Variants in ACOT7 observed in about 807,000 individuals in gnomAD.
ACOT7 encodes cytosolic acyl coenzyme A thioester hydrolase.
ACOT7 carries 12 observed loss-of-function variants against 40.2 expected under a neutral mutation model. The observed-to-expected ratio is 0.30, with a 90% CI of 0.19 to 0.48. The LOEUF is 0.48. ACOT7 is among the 20% of genes least tolerant of loss of function. The pLI is 0.99. For synonymous variants in ACOT7, 228 were observed against 219.5 expected (o/e 1.04, Z -0.34); for missense variants, 395 against 530.8 (o/e 0.74, Z 2.51).
In ACOT7 at chr1:6,306,143, A is replaced by C. The variant is rs1447575768; in HGVS notation, c.713-11163T>G. ...CAGTGAGCCAAGATGGCAGCAGCACAGTCCAGCTTCGGCTCGGCATCAGAG... is the reference window on the plus strand; with the variant it reads ...CAGTGAGCCAAGATGGCAGCAGCACCGTCCAGCTTCGGCTCGGCATCAGAG... On this transcript the variant is annotated intron_variant, in intron 6 of 8. Transcript: ENST00000361521. This position sits in a 1 kb window ranked among gnomAD's most constrained non-coding sequence, Gnocchi z 4.3. 3.0e-5 allele frequency: 21 copies of C among 692,034 alleles called. No individual in the cohort carries two copies. Among genetic ancestry groups the C allele is most frequent in the African/African-American group, 4.1e-5 (2 of 48,520 alleles). 42.9% of individuals were successfully genotyped at this position (692,034 alleles called of 1,614,324 possible). A position where few individuals can be genotyped will look rare whatever the true frequency, so the allele number is the denominator to read the frequency against.
At chr1:6,367,683 A>G (rs1346303567) in intron 1 of ACOT7, among the ~76,000 whole-genome samples, 1 of 152,324 alleles carries the variant, frequency 6.6e-6, no homozygotes, top group African/African-American at 2.4e-5. Context: ...AGGGCCCCAA[A>G]GAGGGAGTCA....
chr1:6,318,803 C>T (rs1018385326), intron 5 of ACOT7, among the ~76,000 whole-genome samples: 3 of 151,648 alleles, frequency 2.0e-5, no homozygotes, highest in Non-Finnish European at 2.9e-5. Flanking sequence ...TGGGCCATGA[C>T]GAGACTCTCT....
rs558365043 is a variant in ACOT7 at position 6,289,041 on chromosome 1, G to A, written c.829+5823C>T. Among the ~76,000 whole-genome samples the A allele has an allele frequency of 6.6e-5, 10 of 152,290 alleles. No homozygotes were observed. Among genetic ancestry groups the A allele is most frequent in the African/African-American group, 2.4e-4 (10 of 41,558 alleles). The stretch of plus-strand genomic sequence containing the variant: ...CAAAGCACTTCCTGCCTTAAATCTG[G>A]AGAAGCCACCCCACAGGTCTGGCGT... On this transcript the variant is annotated intron_variant, in intron 7 of 8. Coordinates refer to ENST00000361521, the MANE Select transcript of ACOT7 (RefSeq NM_007274.4). This position sits in a 1 kb window ranked among gnomAD's most constrained non-coding sequence, Gnocchi z 4.6.
At chr1:6,326,271 G>A (rs1247226368) in intron 5 of ACOT7, among the ~76,000 whole-genome samples, 2 of 152,200 alleles carry the variant, frequency 1.3e-5, no homozygotes, top group Admixed American at 6.5e-5. Flanking sequence ...TGCCCCCGAG[G>A]GCTCACCCTT....
intron 8 of ACOT7, among the ~76,000 whole-genome samples, chr1:6,268,778 A>G (rs1638930098): frequency 6.6e-6 from 1 of 152,228 alleles, no homozygotes; most frequent in Admixed American, 6.5e-5. Context: ...GCAGCAGTGG[A>G]GCGGAGCCCT....
intron 1 of ACOT7, among the ~76,000 whole-genome samples, chr1:6,377,809 G>A (rs533098717): frequency 1.3e-5 from 2 of 152,278 alleles, no homozygotes; most frequent in Admixed American, 6.5e-5. Flanking sequence ...GGTGGCTCAC[G>A]CCTGTAATCC....
chr1:6,318,495 C>T lies in ACOT7; in HGVS notation c.709G>A (p.Gly237Arg). The change falls in exon 6 of 9, where the codon GGA (glycine) becomes AGA (arginine). Residue 237 changes from glycine (G) to arginine (R), a missense_variant. Coordinates refer to ENST00000361521, the MANE Select transcript of ACOT7 (RefSeq NM_007274.4). ...SDCTLHGFVH[G>R]GVTMKLMDEV... ...GGCCAGGGCGCTTCCTTCTTACCTC[C>T]GTGCACAAAGCCGTGCAGGGTGCAG... The T allele has an allele frequency of 3.1e-6, 5 of 1,613,864 alleles. No homozygotes were observed. The highest frequency in any genetic ancestry group is 4.2e-6 in the Non-Finnish European group (5 of 1,179,906).
At chr1:6,345,826 C>G (rs1214363256) in intron 2 of ACOT7, among the ~76,000 whole-genome samples, 2 of 152,170 alleles carry the variant, frequency 1.3e-5, no homozygotes, top group Non-Finnish European at 2.9e-5. Context: ...GAAGACTACA[C>G]AGGGAGAGGA....
At chr1:6,270,927 G>C (rs1320215477) in intron 8 of ACOT7, among the ~76,000 whole-genome samples, 1 of 152,200 alleles carries the variant, frequency 6.6e-6, no homozygotes, top group Non-Finnish European at 1.5e-5. Flanking sequence ...CCCACACATG[G>C]GGACGCAGGG....
chr1:6,386,148 G>A lies in ACOT7; in HGVS notation c.143+7109C>T, dbSNP rs6687830. 4.6e-5 allele frequency among the ~76,000 whole-genome samples: 7 copies of A among 152,278 alleles called. No homozygotes were observed. The South Asian group carries it at 6.2e-4, about 14-fold the overall frequency. On this transcript the variant is annotated intron_variant, in intron 1 of 8. Coordinates refer to ENST00000361521, the MANE Select transcript of ACOT7 (RefSeq NM_007274.4). ...GGCACCGGGAGAGCTGGAAGGCTGC[G>A]GGGAAGCCGAGGAAGGCCAACACAC...
At chr1:6,386,918 C>T (rs934043913) in intron 1 of ACOT7, among the ~76,000 whole-genome samples, 3 of 152,092 alleles carry the variant, frequency 2.0e-5, no homozygotes, top group Non-Finnish European at 2.9e-5. Context: ...CATCCAAATT[C>T]CTAATATCAT....
At chr1:6,303,537 G>A (rs960478884) in intron 6 of ACOT7, among the ~76,000 whole-genome samples, 4 of 152,314 alleles carry the variant, frequency 2.6e-5, no homozygotes, top group South Asian at 2.1e-4. Flanking sequence ...AACCCAAGGC[G>A]GCAGTTCACA....
chr1:6,366,107 G>A lies in ACOT7; in HGVS notation c.144-16241C>T, dbSNP rs180963534. Among the ~76,000 whole-genome samples the A allele has an allele frequency of 2.3e-3, 344 of 152,002 alleles. 1 individual carries two copies. The highest frequency in any genetic ancestry group is 9.6e-3 in the South Asian group (46 of 4,810). ...GACAGGGTCTCACTATGTTGGCCATGCTGGTCTTGAACTCCTGACCTCAGG... is the reference window on the plus strand; with the variant it reads ...GACAGGGTCTCACTATGTTGGCCATACTGGTCTTGAACTCCTGACCTCAGG... On this transcript the variant is annotated intron_variant, in intron 1 of 8. Transcript: ENST00000361521.
At chr1:6,316,998 G>A (rs1431269666) in intron 6 of ACOT7, among the ~76,000 whole-genome samples, 1 of 152,228 alleles carries the variant, frequency 6.6e-6, no homozygotes, top group Admixed American at 6.5e-5. Context: ...ACAGAGTGGT[G>A]TCGTTTGAGC....
At chr1:6,350,412 C>T (rs760310529) in intron 1 of ACOT7, among the ~76,000 whole-genome samples, 7 of 152,206 alleles carry the variant, frequency 4.6e-5, no homozygotes, top group African/African-American at 1.4e-4. Context: ...CTGTGGGTCC[C>T]GGGGGCAGTG....
rs993574558 is a variant in ACOT7 at position 6,289,454 on chromosome 1, C to T, written c.829+5410G>A. Among the ~76,000 whole-genome samples, 2 of 152,192 alleles carry T rather than the reference C, an allele frequency of 1.3e-5. No individual in the cohort carries two copies. Among genetic ancestry groups the T allele is most frequent in the South Asian group, 2.1e-4 (1 of 4,816 alleles). On this transcript the variant is annotated intron_variant, in intron 7 of 8. Transcript: ENST00000361521. This position sits in a 1 kb window ranked among gnomAD's most constrained non-coding sequence, Gnocchi z 4.6. ...CTCACTCTGTCACCCAGGCTGAGTG[C>T]GGCGGCACAATCACGGCTCACACTG...
chr1:6,332,249 G>C (rs1012604782), intron 4 of ACOT7, among the ~76,000 whole-genome samples: 4 of 152,196 alleles, frequency 2.6e-5, no homozygotes, highest in African/African-American at 9.6e-5. Context: ...CAGAATCCTG[G>C]TTCCTTCCCT....
intron 8 of ACOT7, among the ~76,000 whole-genome samples, chr1:6,279,021 A>G (rs1270395547): frequency 2.6e-5 from 4 of 152,232 alleles, no homozygotes; most frequent in African/African-American, 9.6e-5. Context: ...GCATCAGGAC[A>G]GACAGCAGCC....
Position 6,306,723 on chromosome 1 carries a change from G to A in ACOT7, c.713-11743C>T. The A allele has an allele frequency of 8.1e-7, 1 of 1,232,126 alleles. No individual in the cohort carries two copies. The highest frequency in any genetic ancestry group is 1.0e-6 in the Non-Finnish European group (1 of 957,002). 76.3% of individuals were successfully genotyped at this position (1,232,126 alleles called of 1,614,324 possible). The stretch of plus-strand genomic sequence containing the variant: ...AGACCAGAAGTTCCTCAAGAGTAGG[G>A]AACAGCTCTTCGTCCACCTTTTTCC... On this transcript the variant is annotated intron_variant, in intron 6 of 8. Coordinates refer to ENST00000361521, the MANE Select transcript of ACOT7 (RefSeq NM_007274.4). This position sits in a 1 kb window ranked among gnomAD's most constrained non-coding sequence, Gnocchi z 4.3.
Sources: allele counts gnomAD v4.1 joint callset (sites outside exome capture counted in the v4.1 genomes callset), GRCh38; gene constraint gnomAD v4.1.1; non-coding constraint Gnocchi (gnomAD v3.1); transcripts MANE v1.5; gene names NCBI Gene and HGNC (gene_info 2026-07-23, HGNC 2026-07-21).